The following KATNBL1 variants were observed in gnomAD, a reference collection of about 807,000 sequenced individuals.
The protein encoded by KATNBL1 is KATNB1-like protein 1.
In KATNBL1, 28 loss-of-function variants were observed where a neutral mutation model predicts 44.7. That is an observed-to-expected ratio of 0.63 (90% CI 0.46 to 0.86). The LOEUF (loss-of-function observed/expected upper bound fraction) is 0.86. Among genes scored for constraint, KATNBL1 ranks in the 40% least tolerant of loss-of-function variants. KATNBL1 has a pLI of 0.00. For synonymous variants in KATNBL1, 78 were observed against 114.9 expected (o/e 0.68, Z 2.06); for missense variants, 272 against 350.7 (o/e 0.78, Z 1.79).
rs1459486675 is a variant in KATNBL1 at position 34,149,643 on chromosome 15, T to TC, written c.439-894dup. Among the ~76,000 whole-genome samples the TC allele has an allele frequency of 6.6e-5, 10 of 152,334 alleles. 1 individual carries two copies. Among genetic ancestry groups the TC allele is most frequent in the Non-Finnish European group, 1.5e-4 (10 of 68,038 alleles). ...TTTTGCCATGTTGGCCAAGCTGGTC[T>TC]CCAACTCCTGACCTCACATGATCCG... On this transcript the variant is annotated intron_variant, in intron 4 of 9. Transcript: ENST00000256544.
intron 1 of KATNBL1, among the ~76,000 whole-genome samples, chr15:34,200,278 A>T (rs922828898): frequency 6.6e-6 from 1 of 151,078 alleles, no homozygotes; most frequent in Non-Finnish European, 1.5e-5. Context: ...TTTGAGATGG[A>T]GTCTTCCTCT....
chr15:34,175,199 A>G (rs912517771), intron 1 of KATNBL1, among the ~76,000 whole-genome samples: 3 of 151,926 alleles, frequency 2.0e-5, no homozygotes, highest in Non-Finnish European at 4.4e-5. Flanking sequence ...AGTATCCCTT[A>G]CCTGAAATCA....
chr15:34,183,616 T>A (rs1215670665), intron 1 of KATNBL1, among the ~76,000 whole-genome samples: 1 of 152,074 alleles, frequency 6.6e-6, no homozygotes, highest in Non-Finnish European at 1.5e-5. Context: ...CTGCAGACAA[T>A]AAAATACGAT....
chr15:34,181,028 T>C (rs1889501715), intron 1 of KATNBL1, among the ~76,000 whole-genome samples: 1 of 152,174 alleles, frequency 6.6e-6, no homozygotes, highest in Non-Finnish European at 1.5e-5. Context: ...ACCATAACAA[T>C]TATTTGATTT....
At chr15:34,180,495 A>T (rs1597450732) in intron 1 of KATNBL1, among the ~76,000 whole-genome samples, 1 of 143,070 alleles carries the variant, frequency 7.0e-6, no homozygotes, top group East Asian at 2.1e-4. Context: ...TTCCTCCAGC[A>T]GCTCCTCTCT....
chr15:34,203,123 TA>T (rs1464617294), intron 1 of KATNBL1, among the ~76,000 whole-genome samples: 1 of 152,200 alleles, frequency 6.6e-6, no homozygotes, highest in East Asian at 1.9e-4. Flanking sequence ...CTTAACATAT[TA>T]AAAATAGAAC....
At chr15:34,158,120 C>T (rs2140919870) in intron 2 of KATNBL1, among the ~76,000 whole-genome samples, 1 of 152,244 alleles carries the variant, frequency 6.6e-6, no homozygotes, top group East Asian at 1.9e-4. Context: ...TGAGGGTCTG[C>T]TTATTAGTCA....
At chr15:34,175,154 A>G (rs962886093) in intron 1 of KATNBL1, among the ~76,000 whole-genome samples, 7 of 147,230 alleles carry the variant, frequency 4.8e-5, no homozygotes, top group East Asian at 2.0e-4. Context: ...ACACACACAC[A>G]CACGCATATA....
chr15:34,206,523 G>A (rs964251167), intron 1 of KATNBL1, among the ~76,000 whole-genome samples: 3 of 152,200 alleles, frequency 2.0e-5, no homozygotes, highest in African/African-American at 7.2e-5. Context: ...CGGGCATGGT[G>A]GCTCACGCCT....
chr15:34,158,223 T>C (rs1337356830), intron 2 of KATNBL1, among the ~76,000 whole-genome samples: 1 of 152,186 alleles, frequency 6.6e-6, no homozygotes, highest in East Asian at 1.9e-4. Flanking sequence ...ACACATAGCT[T>C]GAGGTCCCCA....
intron 1 of KATNBL1, among the ~76,000 whole-genome samples, chr15:34,164,385 ATC>A (rs1888901926): frequency 6.6e-6 from 1 of 152,140 alleles, no homozygotes; most frequent in Non-Finnish European, 1.5e-5. Flanking sequence ...GTGCAACTAA[ATC>A]ACTGGGTCAA....
At chr15:34,192,752 A>G (rs1374189707) in intron 1 of KATNBL1, among the ~76,000 whole-genome samples, 3 of 152,214 alleles carry the variant, frequency 2.0e-5, no homozygotes, top group African/African-American at 4.8e-5. Context: ...AGAAGAAAAA[A>G]TCAGGAATAA....
intron 1 of KATNBL1, among the ~76,000 whole-genome samples, chr15:34,168,862 C>G (rs147539020): frequency 6.6e-6 from 1 of 152,086 alleles, no homozygotes; most frequent in Non-Finnish European, 1.5e-5. Context: ...TGAAAGAAGG[C>G]AGAAATAAAG....
At chr15:34,169,535 T>A (rs1004045925) in intron 1 of KATNBL1, among the ~76,000 whole-genome samples, 2 of 152,206 alleles carry the variant, frequency 1.3e-5, no homozygotes, top group Non-Finnish European at 2.9e-5. Context: ...GTACCATTCC[T>A]TCTGAAACTA....
rs115094283 is a variant in KATNBL1, at chr15:34,196,436, T to A, written c.-15+13515A>T. Among the ~76,000 whole-genome samples the A allele has an allele frequency of 5.3e-3, 802 of 151,206 alleles. 2 individuals are homozygous for A. Among genetic ancestry groups the A allele is most frequent in the African/African-American group, 0.019 (772 of 41,160 alleles). ...TTGTCTCAAAAATAAAATAAAATAA[T>A]TTTTAAATGACTGGGCGCGGTGCCT... On this transcript the variant is annotated intron_variant, in intron 1 of 9. Coordinates refer to ENST00000256544, the MANE Select transcript of KATNBL1 (RefSeq NM_024713.3).
At chr15:34,190,559 G>A (rs1225080219) in intron 1 of KATNBL1, among the ~76,000 whole-genome samples, 1 of 152,102 alleles carries the variant, frequency 6.6e-6, no homozygotes, top group Non-Finnish European at 1.5e-5. Flanking sequence ...CCACATTTCC[G>A]AATTTCCAGT....
At chr15:34,194,557 A>G (rs1889981044) in intron 1 of KATNBL1, among the ~76,000 whole-genome samples, 1 of 152,194 alleles carries the variant, frequency 6.6e-6, no homozygotes, top group Non-Finnish European at 1.5e-5. Flanking sequence ...TGGGAGGTGG[A>G]GGCTGCAGTT....
At chr15:34,189,947 C>CTTT (rs61022097) in intron 1 of KATNBL1, among the ~76,000 whole-genome samples, 1 of 141,900 alleles carries the variant, frequency 7.0e-6, no homozygotes, top group African/African-American at 2.6e-5. Flanking sequence ...GAAGTACATT[C>CTTT]TTTTTTTTTT....
At chr15:34,209,917 G>T (rs1309073103) in intron 1 of KATNBL1, 34 bp downstream of exon 1, 2 of 151,762 alleles carry the variant, frequency 1.3e-5, no homozygotes, top group Non-Finnish European at 2.9e-5. Flanking sequence ...GCAGCTGCGG[G>T]CGCGGGGCTC....
Sources: allele counts gnomAD v4.1 joint callset (sites outside exome capture counted in the v4.1 genomes callset), GRCh38; gene constraint gnomAD v4.1.1; transcripts MANE v1.5; gene names NCBI Gene and HGNC (gene_info 2026-07-23, HGNC 2026-07-21).